Variants in CPNE5 observed in about 807,000 individuals in gnomAD.
CPNE5 encodes the protein copine 5.
Under a neutral mutation model 81.1 loss-of-function variants are expected in CPNE5, and 42 were observed. The ratio of observed to expected loss-of-function variants is 0.52; its 90% CI spans 0.40 to 0.67. CPNE5 has a LOEUF of 0.67. Ranked by LOEUF, CPNE5 falls within the 30% of genes least tolerant of loss-of-function variation. The pLI, the probability that CPNE5 is intolerant of heterozygous loss-of-function variation, is 0.00. For missense variants in CPNE5, 612 were observed against 815.5 expected (o/e 0.75, Z 3.04); for synonymous variants, 313 against 321.5 (o/e 0.97, Z 0.28).
At chr6:36,756,704 C>T (rs1380561215) in intron 12 of CPNE5, among the ~76,000 whole-genome samples, 2 of 152,202 alleles carry the variant, frequency 1.3e-5, no homozygotes, top group East Asian at 3.9e-4. Context: ...TCAGCCAATT[C>T]CAATCTCCCC....
Position 36,794,585 on chromosome 6 carries a change from C to T in CPNE5, c.464+5G>A, listed in dbSNP as rs781161583. On this transcript the variant is annotated splice_donor_5th_base_variant and intron_variant, in intron 7 of 20. Coordinates refer to ENST00000244751, the MANE Select transcript of CPNE5 (RefSeq NM_020939.2). ...CTCCAGGGCCAGAGATGTCTGGCAA[C>T]GTACCCGTTGGACACAGCTGGCATG... 36 of 1,613,876 alleles carry T rather than the reference C, an allele frequency of 2.2e-5. No homozygotes were observed. The highest frequency in any genetic ancestry group is 3.3e-4 in the Middle Eastern group (2 of 6,060).
chr6:36,823,045 G>C lies in CPNE5; in HGVS notation c.136+13C>G. 1 of 1,568,520 alleles carries C rather than the reference G, an allele frequency of 6.4e-7. No individual in the cohort carries two copies. ...GCTATTGTTACCGTTCTTATTGTCA[G>C]AGCAGGACTTACGTGGGTCGGACTT... On this transcript the variant is annotated intron_variant, in intron 2 of 20. Transcript: ENST00000244751.
Position 36,769,710 on chromosome 6 carries a change from G to T in CPNE5, c.738-4334C>A, listed in dbSNP as rs1766890352. 2.0e-5 allele frequency among the ~76,000 whole-genome samples: 3 copies of T among 152,204 alleles called. No individual in the cohort carries two copies. In the South Asian group the frequency reaches 6.2e-4, roughly 31 times the overall value. On this transcript the variant is annotated intron_variant, in intron 10 of 20. Coordinates refer to ENST00000244751, the MANE Select transcript of CPNE5 (RefSeq NM_020939.2). The stretch of plus-strand genomic sequence containing the variant: ...GTTGCACTGCGCAACACCGGGCAGT[G>T]CCGCGGTGACCGTGCCTCCCGTCTG...
At position 36,742,390 on chromosome 6, in the gene CPNE5, G is replaced by T; in HGVS notation, c.1660C>A (p.Leu554Met). 1 of 1,613,786 alleles carries T rather than the reference G, an allele frequency of 6.2e-7. No homozygotes were observed. Reference protein sequence around the residue: ...RDVLAEIPDQLVSYMKAQGIR... With the variant: ...RDVLAEIPDQMVSYMKAQGIR... ...CCCTGTGCCTTCATGTAGGACACCA[G>T]TTGGTCAGGGATCTCTGCCAGCACG... The change falls in exon 21 of 21, where the codon CTG becomes ATG. Residue 554 changes from leucine to methionine, a missense_variant. Coordinates refer to ENST00000244751, the MANE Select transcript of CPNE5 (RefSeq NM_020939.2).
intron 8 of CPNE5, among the ~76,000 whole-genome samples, chr6:36,786,059 AT>A (rs1768516880): frequency 6.6e-6 from 1 of 151,940 alleles, no homozygotes; most frequent in Non-Finnish European, 1.5e-5. Context: ...ACCACGGTAC[AT>A]TTATTTTCTT....
chr6:36,823,528 A>G lies in CPNE5; in HGVS notation c.96-430T>C, dbSNP rs541748719. 2.0e-5 allele frequency among the ~76,000 whole-genome samples: 3 copies of G among 152,346 alleles called. No homozygotes were observed. The South Asian group carries it at 6.2e-4, about 32-fold the overall frequency. Reference sequence around the variant, plus strand: ...TACTCTCCCATTTTCTCAAGGCTCTACTTACAGCCAGTTTATTCGATGGTC... The same window carrying G: ...TACTCTCCCATTTTCTCAAGGCTCTGCTTACAGCCAGTTTATTCGATGGTC... On this transcript the variant is annotated intron_variant, in intron 1 of 20. Coordinates refer to ENST00000244751, the MANE Select transcript of CPNE5 (RefSeq NM_020939.2).
At chr6:36,788,451 G>T (rs1458255353) in intron 8 of CPNE5, among the ~76,000 whole-genome samples, 1 of 152,164 alleles carries the variant, frequency 6.6e-6, no homozygotes, top group Admixed American at 6.5e-5. Flanking sequence ...GTGAGGGAAA[G>T]ACTGAGGATT....
chr6:36,836,599 C>A (rs908531100), intron 1 of CPNE5, among the ~76,000 whole-genome samples: 4 of 152,196 alleles, frequency 2.6e-5, no homozygotes, highest in Admixed American at 6.5e-5. Flanking sequence ...CAGGGCAGAG[C>A]CTCCCCAGAG....
Position 36,801,353 on chromosome 6 carries a change from A to T in CPNE5, c.184-1283T>A, listed in dbSNP as rs1770083205. 2.0e-5 allele frequency among the ~76,000 whole-genome samples: 3 copies of T among 152,128 alleles called. No individual in the cohort carries two copies. In the South Asian group the frequency reaches 6.2e-4, roughly 32 times the overall value. ...TCTGCATTTTAAAAGTCCTCAGGTG[A>T]TGCTGATGCTGTGGGTCTGGGGACT... is the stretch of plus-strand genomic sequence containing the variant. On this transcript the variant is annotated intron_variant, in intron 3 of 20. Coordinates refer to ENST00000244751, the MANE Select transcript of CPNE5 (RefSeq NM_020939.2).
chr6:36,742,062 C>T lies in CPNE5; in HGVS notation c.*206G>A. On this transcript the variant is annotated 3_prime_UTR_variant, in exon 21 of 21. Transcript: ENST00000244751. ...GGGTCCCTGTGTACCCCTCTTTCAC[C>T]CGTACCCCCCTAACTCCCTGGGTTT... The T allele has an allele frequency of 1.8e-6, 1 of 564,300 alleles. No individual in the cohort carries two copies. The highest frequency in any genetic ancestry group is 2.4e-5 in the South Asian group (1 of 42,178). The allele number at this position is 564,300 out of a possible 1,614,324, so 35.0% of individuals were successfully genotyped here. A position where few individuals can be genotyped will look rare whatever the true frequency, so the allele number is the denominator to read the frequency against.
At chr6:36,762,194 A>C (rs549918267) in intron 12 of CPNE5, among the ~76,000 whole-genome samples, 290 of 147,060 alleles carry the variant, frequency 2.0e-3, no homozygotes, top group African/African-American at 6.7e-3. Flanking sequence ...TTGGGGCTGC[A>C]GTGAACCAGG....
At chr6:36,778,130 C>T (rs1397626966) in intron 9 of CPNE5, among the ~76,000 whole-genome samples, 1 of 152,172 alleles carries the variant, frequency 6.6e-6, no homozygotes, top group African/African-American at 2.4e-5. Context: ...GATGAGAAAA[C>T]AGGCCCAGAG....
chr6:36,839,480 G>C, upstream of CPNE5: 2 of 989,476 alleles, frequency 2.0e-6, no homozygotes, highest in Non-Finnish European at 2.9e-6. This position sits in a 1 kb window ranked among gnomAD's most constrained non-coding sequence, Gnocchi z 7.3. Flanking sequence ...CAGAGCCTGG[G>C]CTGGGCGGCA....
chr6:36,777,787 CACACACACA>C (rs1767680068), intron 9 of CPNE5, among the ~76,000 whole-genome samples: 1 of 137,512 alleles, frequency 7.3e-6, no homozygotes, highest in African/African-American at 2.7e-5. Flanking sequence ...CACACACACA[CACACACACA>C]CACACAATTT....
chr6:36,754,602 G>A (rs562233134), intron 13 of CPNE5: 15 of 152,178 alleles, frequency 9.9e-5, no homozygotes, highest in African/African-American at 2.2e-4. Flanking sequence ...GTGATTTTTC[G>A]CGATGAAGAT....
chr6:36,745,225 A>G, intron 17 of CPNE5, 75 bp from the exon 18 acceptor site: 1 of 1,453,246 alleles, frequency 6.9e-7, no homozygotes, highest in Non-Finnish European at 9.5e-7. Flanking sequence ...AAGGACCCTG[A>G]ACACTTTGGA....
intron 10 of CPNE5, among the ~76,000 whole-genome samples, chr6:36,765,860 G>A (rs149022117): frequency 5.3e-4 from 81 of 152,304 alleles, no homozygotes; most frequent in African/African-American, 1.9e-3. Flanking sequence ...AGGAGCCCAG[G>A]GCCCTGGCTC....
chr6:36,771,661 G>A (rs557528234), intron 10 of CPNE5, among the ~76,000 whole-genome samples: 9 of 152,222 alleles, frequency 5.9e-5, no homozygotes, highest in East Asian at 5.8e-4. Context: ...TGGAAGACAC[G>A]GCTGCTGAAT....
Position 36,798,185 on chromosome 6 carries a change from G to T in CPNE5, c.384C>A (p.Ser128Arg), listed in dbSNP as rs1257840769. The change falls in exon 6 of 21, where the codon AGC becomes AGA. Residue 128 changes from serine (S) to arginine (R), a missense_variant. Coordinates refer to ENST00000244751, the MANE Select transcript of CPNE5 (RefSeq NM_020939.2). ...CTCACGTGAGGGGCTTTTCCAGGCG[G>T]CTCCCAGGGGACCCCACAATCTCTC... ...TLGEIVGSPG[S>R]RLEKPLTIGA... is the part of the protein sequence containing the mutation. 6.2e-7 allele frequency: 1 copy of T among 1,613,798 alleles called. No individual in the cohort carries two copies. The highest frequency in any genetic ancestry group is 8.5e-7 in the Non-Finnish European group (1 of 1,179,874).
Sources: gnomAD v4.1 joint callset for allele counts (sites outside exome capture counted in the v4.1 genomes callset) on GRCh38, gnomAD v4.1.1 for gene constraint, Gnocchi (gnomAD v3.1) non-coding constraint, MANE v1.5 for transcripts, NCBI Gene and HGNC (gene_info 2026-07-23, HGNC 2026-07-21) for gene names.